The following ARPC2 variants were observed in gnomAD, a reference collection of about 807,000 sequenced individuals.
ARPC2 encodes the protein actin-related protein 2/3 complex subunit 2.
In ARPC2, 4 loss-of-function variants were observed where a neutral mutation model predicts 38.6. The ratio of observed to expected loss-of-function variants is 0.10; its 90% CI spans 0.05 to 0.24. The LOEUF (loss-of-function observed/expected upper bound fraction) is 0.24. Among genes scored for constraint, ARPC2 ranks in the 10% least tolerant of loss-of-function variants. The probability of loss-of-function intolerance (pLI) is 1.00; values close to 1 mark genes in which losing one functional copy is unlikely to be tolerated. For synonymous variants in ARPC2, 125 were observed against 140.8 expected, an observed-to-expected ratio of 0.89 and a Z score of 0.79; for missense variants, 229 against 387.3, an observed-to-expected ratio of 0.59 and a Z score of 3.43.
chr2:218,223,094 C>T (rs1242632046), intron 2 of ARPC2, among the ~76,000 whole-genome samples: 2 of 152,198 alleles, frequency 1.3e-5, no homozygotes, highest in Admixed American at 6.5e-5. Flanking sequence ...GTAGTCCCCC[C>T]TTATCTGTGG....
At position 218,249,259 on chromosome 2, in the gene ARPC2, T is replaced by C. The variant is rs985671385; in HGVS notation, c.677-105T>C. On this transcript the variant is annotated intron_variant, in intron 8 of 10. Coordinates refer to ENST00000315717, the MANE Select transcript of ARPC2 (RefSeq NM_152862.3). ...CCTGGTAATACTGACACAAGTGGAG[T>C]GTACTTAAGCAGAGAGGGAGTGATG... 2.6e-5 allele frequency: 19 copies of C among 720,272 alleles called. 1 individual carries two copies. The highest frequency in any genetic ancestry group is 3.6e-5 in the African/African-American group (2 of 54,896). 44.6% of individuals were successfully genotyped at this position (720,272 alleles called of 1,614,324 possible).
chr2:218,232,591 T>TCACCCGGGCTGGAGTG (rs1174653000), intron 4 of ARPC2, among the ~76,000 whole-genome samples: 3 of 140,022 alleles, frequency 2.1e-5, no homozygotes, highest in African/African-American at 8.1e-5. Flanking sequence ...TCTTGCTCTG[T>TCACCCGGGCTGGAGTG]CACCCGGGCT....
chr2:218,241,988 T>A (rs891310807), intron 7 of ARPC2, among the ~76,000 whole-genome samples: 1 of 152,230 alleles, frequency 6.6e-6, no homozygotes, highest in Non-Finnish European at 1.5e-5. Flanking sequence ...GGAAAAAGAA[T>A]GAGGGACACC....
Position 218,228,839 on chromosome 2 carries a change from G to A in ARPC2, c.211G>A (p.Gly71Ser). ...ATTCTACAAGGAACTTCAGGCACAT[G>A]GTGCTGATGAGGTAAGATCCACATC... is the stretch of plus-strand genomic sequence containing the variant. The part of the protein sequence containing the change: ...LKFYKELQAH[G>S]ADELLKRVYG... The change falls in exon 4 of 11, where the codon GGT becomes AGT. Residue 71 changes from glycine (G) to serine (S), a missense_variant. Gly to Ser is a moderately conservative substitution (Grantham distance 56). Coordinates refer to ENST00000315717, the MANE Select transcript of ARPC2 (RefSeq NM_152862.3). 1 of 1,589,158 alleles carries A rather than the reference G, an allele frequency of 6.3e-7. No individual in the cohort carries two copies. Among genetic ancestry groups the A allele is most frequent in the African/African-American group, 1.3e-5 (1 of 74,456 alleles).
intron 3 of ARPC2, among the ~76,000 whole-genome samples, chr2:218,227,552 A>T (rs1689530174): frequency 6.7e-6 from 1 of 150,292 alleles, no homozygotes; most frequent in Non-Finnish European, 1.5e-5. Flanking sequence ...TCCGCCTCTC[A>T]AGTAGCTGGG....
At chr2:218,223,934 A>G (rs1689438359) in intron 2 of ARPC2, among the ~76,000 whole-genome samples, 1 of 152,148 alleles carries the variant, frequency 6.6e-6, no homozygotes, top group Non-Finnish European at 1.5e-5. Flanking sequence ...GTGATGGTAT[A>G]CTTCACGCTC....
At chr2:218,237,371 G>A (rs543746719) in intron 5 of ARPC2, among the ~76,000 whole-genome samples, 37 of 151,272 alleles carry the variant, frequency 2.4e-4, no homozygotes, top group African/African-American at 8.7e-4. Context: ...AGCTAATTTT[G>A]TATTTTTATT....
intron 5 of ARPC2, chr2:218,234,858 A>G (rs955530769): frequency 4.4e-6 from 2 of 456,898 alleles, no homozygotes; most frequent in African/African-American, 2.0e-5. Flanking sequence ...GTCTTCTAAT[A>G]GGTTGTCTCA....
chr2:218,250,560 G>A (rs1336570732), intron 10 of ARPC2, among the ~76,000 whole-genome samples: 1 of 151,894 alleles, frequency 6.6e-6, no homozygotes, highest in African/African-American at 2.4e-5. Context: ...GGCTACTCGG[G>A]AGGCTGAGGC....
chr2:218,246,742 G>A (rs1017888798), intron 8 of ARPC2, among the ~76,000 whole-genome samples: 6 of 152,020 alleles, frequency 3.9e-5, no homozygotes, highest in Admixed American at 3.3e-4. Context: ...AGGCCAAGGC[G>A]AGCAGATCAC....
Position 218,217,199 on chromosome 2 carries a change from C to A in ARPC2, c.-64C>A. Reference sequence around the variant, plus strand: ...GCGGGGACCGGGCTTGTCGGTGAAGCGGCAGTGGCGGCGGCGGCGGCGGCT... The same window carrying A: ...GCGGGGACCGGGCTTGTCGGTGAAGAGGCAGTGGCGGCGGCGGCGGCGGCT... On this transcript the variant is annotated 5_prime_UTR_variant, in exon 1 of 11. Transcript: ENST00000315717. 2.3e-6 allele frequency: 1 copy of A among 429,476 alleles called. No individual in the cohort carries two copies. Among genetic ancestry groups the A allele is most frequent in the Non-Finnish European group, 4.1e-6 (1 of 242,190 alleles). The allele number at this position is 429,476 out of a possible 1,614,324, so 26.6% of individuals were successfully genotyped here.
At chr2:218,249,676 C>T (rs1005697255) in intron 9 of ARPC2, 145 bp from the exon 10 acceptor site, 2 of 834,708 alleles carry the variant, frequency 2.4e-6, no homozygotes, top group Non-Finnish European at 3.7e-6. Flanking sequence ...TCCAGAATTG[C>T]TCACCTTCCT....
chr2:218,244,578 A>G (rs1180820578), intron 7 of ARPC2, among the ~76,000 whole-genome samples: 1 of 152,230 alleles, frequency 6.6e-6, no homozygotes, highest in East Asian at 1.9e-4. Flanking sequence ...GAATGGTAAA[A>G]TATCATAGTA....
intron 3 of ARPC2, among the ~76,000 whole-genome samples, chr2:218,228,125 C>G (rs1249058470): frequency 6.6e-6 from 1 of 152,074 alleles, no homozygotes; most frequent in African/African-American, 2.4e-5. Context: ...ATTGTTGAGG[C>G]TGGGCAAGGT....
intron 2 of ARPC2, among the ~76,000 whole-genome samples, chr2:218,219,531 G>A (rs969109521): frequency 6.6e-6 from 1 of 152,124 alleles, no homozygotes. Context: ...TGTATTTTTA[G>A]TAGAGATGGG....
intron 5 of ARPC2, among the ~76,000 whole-genome samples, chr2:218,237,096 G>A (rs375392061): frequency 3.3e-5 from 5 of 152,248 alleles, no homozygotes; most frequent in African/African-American, 7.2e-5. Flanking sequence ...TTCTGCACCC[G>A]TATTGATGAC....
chr2:218,241,457 T>C (rs1689914877), intron 7 of ARPC2, among the ~76,000 whole-genome samples: 1 of 152,228 alleles, frequency 6.6e-6, no homozygotes, highest in South Asian at 2.1e-4. Context: ...AGGCATTTCA[T>C]GTGTTTTTAT....
intron 10 of ARPC2, among the ~76,000 whole-genome samples, chr2:218,253,219 T>C (rs545247326): frequency 3.9e-4 from 60 of 152,324 alleles, no homozygotes; most frequent in African/African-American, 1.3e-3. Context: ...TGATTTCCCA[T>C]AGTTCTCAGC....
intron 8 of ARPC2, among the ~76,000 whole-genome samples, chr2:218,246,482 A>T (rs1456173758): frequency 1.3e-5 from 2 of 152,158 alleles, no homozygotes; most frequent in East Asian, 3.8e-4. Context: ...GTGAGCTGAG[A>T]TCACACCATT....
Sources: allele counts gnomAD v4.1 joint callset (sites outside exome capture counted in the v4.1 genomes callset), GRCh38; gene constraint gnomAD v4.1.1; transcripts MANE v1.5; gene names NCBI Gene and HGNC (gene_info 2026-07-23, HGNC 2026-07-21).